The following FANCC variants were observed in gnomAD, a reference collection of about 807,000 sequenced individuals.
FANCC encodes the protein Fanconi anemia group C protein.
A neutral mutation model predicts 71.3 loss-of-function variants in FANCC; 55 were observed. The observed-to-expected ratio is 0.77, with a 90% CI of 0.62 to 0.97. The LOEUF (loss-of-function observed/expected upper bound fraction) is 0.97. Among genes scored for constraint, FANCC ranks in the 50% least tolerant of loss-of-function variants. The pLI, the probability that FANCC is intolerant of heterozygous loss-of-function variation, is 0.00. For missense variants in FANCC, 678 were observed against 670.9 expected (o/e 1.01, Z -0.12); for synonymous variants, 275 against 244.9 (o/e 1.12, Z -1.15).
At chr9:95,140,423 T>C (rs1828463403) in intron 7 of FANCC, among the ~76,000 whole-genome samples, 3 of 152,178 alleles carry the variant, frequency 2.0e-5, no homozygotes, top group Admixed American at 6.5e-5. Context: ...GTAAAGAAAT[T>C]GGTCCAACTG....
At chr9:95,238,401 C>T (rs764051165) in intron 4 of FANCC, among the ~76,000 whole-genome samples, 7 of 152,080 alleles carry the variant, frequency 4.6e-5, no homozygotes, top group Admixed American at 6.6e-5. Context: ...TCTTATAAAT[C>T]GGGCCCCCTT....
intron 14 of FANCC, among the ~76,000 whole-genome samples, chr9:95,103,766 A>G (rs910813338): frequency 1.3e-5 from 2 of 152,214 alleles, no homozygotes; most frequent in Non-Finnish European, 2.9e-5. Flanking sequence ...AGAAGAGCCC[A>G]CTGCGCAGAG....
chr9:95,316,413 G>T (rs956258789), intron 1 of FANCC, among the ~76,000 whole-genome samples: 3 of 152,214 alleles, frequency 2.0e-5, no homozygotes, highest in Admixed American at 6.5e-5. Flanking sequence ...TCTACTGTTT[G>T]TAACAACCTT....
At chr9:95,224,387 T>C (rs1829477838) in intron 4 of FANCC, among the ~76,000 whole-genome samples, 1 of 152,130 alleles carries the variant, frequency 6.6e-6, no homozygotes, top group Non-Finnish European at 1.5e-5. Context: ...TTCTCTCACC[T>C]ATAAACACGG....
chr9:95,219,388 C>G (rs1444179120), intron 4 of FANCC, among the ~76,000 whole-genome samples: 1 of 152,152 alleles, frequency 6.6e-6, no homozygotes, highest in African/African-American at 2.4e-5. Flanking sequence ...AGTGTAAGAC[C>G]TTAGGCCTTT....
At chr9:95,109,445 A>AT (rs920302999) in intron 13 of FANCC, among the ~76,000 whole-genome samples, 86 of 147,214 alleles carry the variant, frequency 5.8e-4, no homozygotes, top group Non-Finnish European at 7.5e-4. Context: ...CCCTTGCCTG[A>AT]TTTTTTTTTT....
Position 95,168,582 on chromosome 9 carries a change from G to C in FANCC, c.521+2497C>G, listed in dbSNP as rs143401465. Among the ~76,000 whole-genome samples, 545 of 152,362 alleles carry C rather than the reference G, an allele frequency of 3.6e-3. 2 individuals carry two copies. Among genetic ancestry groups the C allele is most frequent in the African/African-American group, 0.013 (524 of 41,586 alleles). On this transcript the variant is annotated intron_variant, in intron 6 of 14. Coordinates refer to ENST00000289081, the MANE Select transcript of FANCC (RefSeq NM_000136.3). ...ACCTTGCTCTGTTGCCCAGGCTGGA[G>C]TGCAGTGATGCAATATCAGCTCACT...
intron 4 of FANCC, among the ~76,000 whole-genome samples, chr9:95,177,951 G>A (rs1826113176): frequency 6.6e-6 from 1 of 152,220 alleles, no homozygotes; most frequent in East Asian, 1.9e-4. Flanking sequence ...GAGGGGATCG[G>A]GGAGCCGTTC....
intron 1 of FANCC, among the ~76,000 whole-genome samples, chr9:95,306,145 C>T (rs1191657926): frequency 6.6e-6 from 1 of 152,118 alleles, no homozygotes; most frequent in African/African-American, 2.4e-5. Context: ...TTTGGATTAA[C>T]ATTGTACAAT....
At chr9:95,121,903 G>A (rs1171225488) in intron 10 of FANCC, among the ~76,000 whole-genome samples, 1 of 150,924 alleles carries the variant, frequency 6.6e-6, no homozygotes, top group Non-Finnish European at 1.5e-5. Context: ...TGTCGCCCAG[G>A]CTGGAGTGCA....
In FANCC at chr9:95,208,077, CTTTTTTTTTTTTTTTTTTTTT is replaced by C. The variant is rs58961733; in HGVS notation, c.345+32551_345+32571del. Among the ~76,000 whole-genome samples the C allele has an allele frequency of 1.2e-3, 55 of 47,654 alleles. No homozygotes were observed. In the South Asian group the frequency reaches 0.016, roughly 14 times the overall value. 31.3% of individuals were successfully genotyped at this position (47,654 alleles called of 152,430 possible). On this transcript the variant is annotated intron_variant, in intron 4 of 14. Transcript: ENST00000289081. ...AAATGCCTTCTGCTAATCCAGAAGC[CTTTTTTTTTTTTTTTTTTTTT>C]TTTTTTTTTTTTTTTTGTGATGGAG... is the stretch of plus-strand genomic sequence containing the variant.
At chr9:95,223,804 C>A (rs1188789914) in intron 4 of FANCC, among the ~76,000 whole-genome samples, 1 of 152,056 alleles carries the variant, frequency 6.6e-6, no homozygotes, top group Non-Finnish European at 1.5e-5. Context: ...TGGAGAAACC[C>A]CGTCTCTACT....
At chr9:95,223,736 G>A (rs745831642) in intron 4 of FANCC, among the ~76,000 whole-genome samples, 4 of 152,156 alleles carry the variant, frequency 2.6e-5, no homozygotes, top group Non-Finnish European at 4.4e-5. Flanking sequence ...CAGCACTTTG[G>A]GAGGCCAAGG....
chr9:95,296,908 T>C (rs1198254784), intron 1 of FANCC, among the ~76,000 whole-genome samples: 1 of 152,236 alleles, frequency 6.6e-6, no homozygotes, highest in Non-Finnish European at 1.5e-5. Context: ...TGGAGAAATG[T>C]CTCAGGACTC....
Position 95,107,140 on chromosome 9 carries a change from T to C in FANCC, c.1459A>G (p.Ile487Val), listed in dbSNP as rs2071511385. 1 of 1,614,048 alleles carries C rather than the reference T, an allele frequency of 6.2e-7. No individual in the cohort carries two copies. Among genetic ancestry groups the C allele is most frequent in the Admixed American group, 1.7e-5 (1 of 60,002 alleles). ...TDLRAPAQQL[I>V]RHLLLNFLLW... is the part of the protein sequence containing the mutation. ...AGGAAGTTGAGGAGAAGGTGCCTGA[T>C]CAGCTGTTGTGCAGGAGCTCTGAGG... Residue 487 changes from isoleucine to valine, a missense_variant, in exon 14 of 15, where the codon ATC becomes GTC. By Grantham distance (29) the Ile-to-Val change is conservative. Transcript: ENST00000289081.
chr9:95,226,891 T>G (rs748000018), intron 4 of FANCC, among the ~76,000 whole-genome samples: 1 of 152,142 alleles, frequency 6.6e-6, no homozygotes, highest in Non-Finnish European at 1.5e-5. Flanking sequence ...CAAGGACTGA[T>G]GGATGTAGAG....
At chr9:95,126,626 T>A in intron 8 of FANCC, 45 bp from the exon 9 acceptor site, 1 of 1,595,626 alleles carries the variant, frequency 6.3e-7, no homozygotes, top group Non-Finnish European at 8.6e-7. Flanking sequence ...TCACAAGCAC[T>A]TTCTCAGAAA....
chr9:95,257,120 G>A (rs145060591), intron 1 of FANCC, among the ~76,000 whole-genome samples: 4 of 152,296 alleles, frequency 2.6e-5, no homozygotes, highest in African/African-American at 7.2e-5. Context: ...ATATGAGACA[G>A]ATCAACGAGA....
At chr9:95,228,722 C>T (rs1829795115) in intron 4 of FANCC, among the ~76,000 whole-genome samples, 2 of 152,090 alleles carry the variant, frequency 1.3e-5, no homozygotes, top group Non-Finnish European at 2.9e-5. Context: ...GAGGAGGTGA[C>T]ATCCAGCAGT....
Sources: allele counts gnomAD v4.1 joint callset (sites outside exome capture counted in the v4.1 genomes callset), GRCh38; gene constraint gnomAD v4.1.1; transcripts MANE v1.5; gene names NCBI Gene and HGNC (gene_info 2026-07-23, HGNC 2026-07-21).